The following PPP2R2A variants were observed in gnomAD, a reference collection of about 807,000 sequenced individuals.
PPP2R2A encodes protein phosphatase 2 regulatory subunit Balpha.
A neutral mutation model predicts 53.2 loss-of-function variants in PPP2R2A; 9 were observed. That is an observed-to-expected ratio of 0.17 (90% confidence interval 0.10 to 0.30). The LOEUF (loss-of-function observed/expected upper bound fraction) is 0.30, where lower values mean the gene tolerates loss of function less well. Among genes scored for constraint, PPP2R2A ranks in the 10% least tolerant of loss-of-function variants. PPP2R2A has a pLI of 1.00. For synonymous variants in PPP2R2A, 169 were observed against 174.2 expected, an observed-to-expected ratio of 0.97 and a Z score of 0.23; for missense variants, 235 against 534.6, an observed-to-expected ratio of 0.44 and a Z score of 5.53.
At chr8:26,367,707 A>C (rs541627149) in intron 9 of PPP2R2A, among the ~76,000 whole-genome samples, 1 of 152,350 alleles carries the variant, frequency 6.6e-6, no homozygotes, top group South Asian at 2.1e-4. Context: ...TAAATTCTTG[A>C]ATGAGTATTT....
rs191326270 is a variant in PPP2R2A, at chr8:26,299,274, G to A, written c.82+5534G>A. On this transcript the variant is annotated intron_variant, in intron 2 of 9. Coordinates refer to ENST00000380737, the MANE Select transcript of PPP2R2A (RefSeq NM_002717.4). ...AAGACTCTGTTTCAAAAAAAAAAAA[G>A]GAACAACTTAACCATTCAAGATAGT... 2.1e-3 allele frequency among the ~76,000 whole-genome samples: 315 copies of A among 150,308 alleles called. 1 individual carries two copies. The highest frequency in any genetic ancestry group is 2.5e-3 in the Non-Finnish European group (170 of 67,616).
intron 3 of PPP2R2A, among the ~76,000 whole-genome samples, chr8:26,341,875 C>G (rs1585381594): frequency 6.6e-6 from 1 of 152,184 alleles, no homozygotes; most frequent in South Asian, 2.1e-4. Context: ...CAGACTTTGA[C>G]ATCTGTAACC....
intron 2 of PPP2R2A, among the ~76,000 whole-genome samples, chr8:26,297,562 G>T (rs935272175): frequency 1.3e-5 from 2 of 152,140 alleles, no homozygotes; most frequent in Non-Finnish European, 2.9e-5. Flanking sequence ...GAGACAGTAG[G>T]TTAAGAGCAC....
In PPP2R2A at chr8:26,331,613, G is replaced by A. The variant is rs543108939; in HGVS notation, c.83-7277G>A. 2.0e-4 allele frequency among the ~76,000 whole-genome samples: 31 copies of A among 152,264 alleles called. 1 individual carries two copies. The highest frequency in any genetic ancestry group is 5.9e-5 in the Non-Finnish European group (4 of 68,014). On this transcript the variant is annotated intron_variant, in intron 2 of 9. Transcript: ENST00000380737. ...TCAAATGTTATTTGTAGAAAGATAC[G>A]AGTTATTATAGCCAGCTTGACGAGA... is the stretch of plus-strand genomic sequence containing the variant.
intron 1 of PPP2R2A, chr8:26,293,376 G>T (rs886064962): frequency 9.0e-7 from 1 of 1,109,476 alleles, no homozygotes; most frequent in South Asian, 1.4e-5. Context: ...GGTAGGTCTT[G>T]CCTGAATGTA....
rs1043336021 is a variant in PPP2R2A, at chr8:26,362,040, C to CTTAAGATTAGA, written c.638-634_638-624dup. Among the ~76,000 whole-genome samples, 2 of 139,584 alleles carry CTTAAGATTAGA rather than the reference C, an allele frequency of 1.4e-5. No homozygotes were observed. The highest frequency in any genetic ancestry group is 3.1e-5 in the Non-Finnish European group (2 of 64,042). 91.6% of individuals were successfully genotyped at this position (139,584 alleles called of 152,430 possible). A position where few individuals can be genotyped will look rare whatever the true frequency, so the allele number is the denominator to read the frequency against. On this transcript the variant is annotated intron_variant, in intron 6 of 9. Coordinates refer to ENST00000380737, the MANE Select transcript of PPP2R2A (RefSeq NM_002717.4). This position sits in a 1 kb window ranked among gnomAD's most constrained non-coding sequence, Gnocchi z 4.4. ...AGATTAAGATTAGATTAAGATTAAT[C>CTTAAGATTAGA]TTAAGATTAGATTAAGATTAATTTT...
rs1805159248 is a variant in PPP2R2A at position 26,362,482 on chromosome 8, G to A, written c.638-202G>A. On this transcript the variant is annotated intron_variant, in intron 6 of 9. Coordinates refer to ENST00000380737, the MANE Select transcript of PPP2R2A (RefSeq NM_002717.4). The surrounding 1 kb of genome is among the most constrained non-coding windows in gnomAD (Gnocchi z 4.4). ...ATTGCGCCACTGCACTCCAGCCTGGGTGACAGAGTGAAACTCCGTCTAAAT... is the reference window on the plus strand; with the variant it reads ...ATTGCGCCACTGCACTCCAGCCTGGATGACAGAGTGAAACTCCGTCTAAAT... 6.6e-6 allele frequency among the ~76,000 whole-genome samples: 1 copy of A among 152,044 alleles called. No homozygotes were observed. The highest frequency in any genetic ancestry group is 6.5e-5 in the Admixed American group (1 of 15,268).
At chr8:26,357,461 C>T (rs572532205) in intron 4 of PPP2R2A, among the ~76,000 whole-genome samples, 7 of 152,070 alleles carry the variant, frequency 4.6e-5, no homozygotes, top group South Asian at 2.1e-4. Context: ...ACTTAAAGGA[C>T]GTCATAGTCA....
At chr8:26,313,043 C>CT (rs200047800) in intron 2 of PPP2R2A, among the ~76,000 whole-genome samples, 6,620 of 142,088 alleles carry the variant, frequency 0.047, 198 homozygotes, top group South Asian at 0.12. Flanking sequence ...TCTTTTTTTT[C>CT]TTTTTTTTTT....
At chr8:26,351,588 C>A (rs943662788) in intron 3 of PPP2R2A, among the ~76,000 whole-genome samples, 4 of 152,180 alleles carry the variant, frequency 2.6e-5, no homozygotes, top group Non-Finnish European at 5.9e-5. Flanking sequence ...ACATTTATAT[C>A]TCTTATTCAT....
At chr8:26,355,491 C>G (rs573763947) in intron 4 of PPP2R2A, among the ~76,000 whole-genome samples, 9 of 152,102 alleles carry the variant, frequency 5.9e-5, no homozygotes, top group Admixed American at 5.9e-4. Context: ...CAGTCTGCCC[C>G]GCTCAGTCTC....
chr8:26,306,558 G>C (rs1802034208), intron 2 of PPP2R2A, among the ~76,000 whole-genome samples: 1 of 151,308 alleles, frequency 6.6e-6, no homozygotes, highest in South Asian at 2.1e-4. Flanking sequence ...GTACTTCTGA[G>C]TCATACACAG....
At chr8:26,330,315 T>C (rs71511113) in intron 2 of PPP2R2A, among the ~76,000 whole-genome samples, 89,239 of 137,448 alleles carry the variant, frequency 0.65, 28,127 homozygotes, top group East Asian at 0.82. Context: ...TTCTTTTTTT[T>C]TTTTTTTTTT....
In PPP2R2A at chr8:26,354,747, T is replaced by C. The variant is rs1804686003; in HGVS notation, c.346+114T>C. ...ATACTTGTAAAAAGGACTTTTGTTT[T>C]TCTATACAGAATGTAAACTCTACTT... On this transcript the variant is annotated intron_variant, in intron 4 of 9. Coordinates refer to ENST00000380737, the MANE Select transcript of PPP2R2A (RefSeq NM_002717.4). The surrounding 1 kb of genome is among the most constrained non-coding windows in gnomAD (Gnocchi z 4.6). 5.8e-6 allele frequency: 6 copies of C among 1,026,618 alleles called. No homozygotes were observed. The East Asian group carries it at 1.7e-4, about 29-fold the overall frequency. The allele number at this position is 1,026,618 out of a possible 1,614,324, so 63.6% of individuals were successfully genotyped here.
At chr8:26,341,501 G>A (rs915985177) in intron 3 of PPP2R2A, among the ~76,000 whole-genome samples, 1 of 152,162 alleles carries the variant, frequency 6.6e-6, no homozygotes, top group Non-Finnish European at 1.5e-5. Flanking sequence ...AGTTTGAAAA[G>A]TGAAAGAAAT....
intron 1 of PPP2R2A, among the ~76,000 whole-genome samples, chr8:26,292,624 G>A (rs565035824): frequency 6.6e-6 from 1 of 152,340 alleles, no homozygotes; most frequent in Non-Finnish European, 1.5e-5. Context: ...AAAGGATGTA[G>A]AGAGAAAACC....
rs1276263402 is a variant in PPP2R2A at position 26,291,690 on chromosome 8, C to T, written c.-130C>T. On this transcript the variant is annotated 5_prime_UTR_variant, in exon 1 of 10. Transcript: ENST00000380737. ...CCTCCTTCCTTTTCCCCCCGGCCCC[C>T]GTCCCCTCCCCCCGCAGGTGCCATC... is the stretch of plus-strand genomic sequence containing the variant. 3.3e-6 allele frequency: 2 copies of T among 612,256 alleles called. No homozygotes were observed. Among genetic ancestry groups the T allele is most frequent in the Non-Finnish European group, 5.7e-6 (2 of 351,406 alleles). 37.9% of individuals were successfully genotyped at this position (612,256 alleles called of 1,614,324 possible). A position where few individuals can be genotyped will look rare whatever the true frequency, so the allele number is the denominator to read the frequency against.
At chr8:26,344,487 C>T (rs898794490) in intron 3 of PPP2R2A, among the ~76,000 whole-genome samples, 4 of 152,140 alleles carry the variant, frequency 2.6e-5, no homozygotes, top group Non-Finnish European at 4.4e-5. Context: ...GAGGAAAGTA[C>T]GTGATCCTTA....
Position 26,293,218 on chromosome 8 carries a change from A to G in PPP2R2A, c.8-448A>G, listed in dbSNP as rs550489363. Reference sequence around the variant, plus strand: ...TGTGCACTTTGGTGATAAGGTTCATATGAATCATTACTCCTTACCCAGGCA... The same window carrying G: ...TGTGCACTTTGGTGATAAGGTTCATGTGAATCATTACTCCTTACCCAGGCA... On this transcript the variant is annotated intron_variant, in intron 1 of 9. Transcript: ENST00000380737. 2.5e-5 allele frequency: 38 copies of G among 1,535,120 alleles called. No individual in the cohort carries two copies. In the South Asian group the frequency reaches 2.6e-4, roughly 11 times the overall value.
Sources: gnomAD v4.1 joint callset for allele counts (sites outside exome capture counted in the v4.1 genomes callset) on GRCh38, gnomAD v4.1.1 for gene constraint, Gnocchi (gnomAD v3.1) non-coding constraint, MANE v1.5 for transcripts, NCBI Gene and HGNC (gene_info 2026-07-23, HGNC 2026-07-21) for gene names.